BAZ2B: variants seen among roughly 807,000 people sequenced by gnomAD.
BAZ2B encodes the protein bromodomain adjacent to zinc finger domain 2B.
Under a neutral mutation model 246.0 loss-of-function variants are expected in BAZ2B, and 91 were observed. The ratio of observed to expected loss-of-function variants is 0.37; its 90% confidence interval spans 0.31 to 0.44. BAZ2B has a LOEUF of 0.44. BAZ2B is among the 20% of genes least tolerant of loss of function. The pLI is 1.00. For synonymous variants in BAZ2B, 855 were observed against 860.0 expected, an observed-to-expected ratio of 0.99 and a Z score of 0.10; for missense variants, 2,332 against 2,533.7, an observed-to-expected ratio of 0.92 and a Z score of 1.71.
chr2:159,623,279 A>C, the BAZ2B span, among the ~76,000 whole-genome samples: 1 of 151,938 alleles, frequency 6.6e-6, no homozygotes, highest in Non-Finnish European at 1.5e-5. Context: ...TTAACATAAG[A>C]AGATCACTTG....
At chr2:159,373,975 G>A (rs2061130210) in intron 26 of BAZ2B, among the ~76,000 whole-genome samples, 1 of 151,890 alleles carries the variant, frequency 6.6e-6, no homozygotes, top group African/African-American at 2.4e-5. Context: ...ACCATACACA[G>A]GCATCTCGTA....
At chr2:159,411,085 G>A (rs1329587924) in intron 14 of BAZ2B, among the ~76,000 whole-genome samples, 1 of 152,188 alleles carries the variant, frequency 6.6e-6, no homozygotes, top group Non-Finnish European at 1.5e-5. Context: ...GCAGTGGCAT[G>A]ATCATAGCTC....
intron 1 of BAZ2B, among the ~76,000 whole-genome samples, chr2:159,595,121 A>T (rs61657872): frequency 7.8e-6 from 1 of 127,878 alleles, no homozygotes; most frequent in African/African-American, 2.8e-5. Flanking sequence ...TTTTTTTTTT[A>T]AACGGAGTTT....
intron 2 of BAZ2B, among the ~76,000 whole-genome samples, chr2:159,491,413 T>C (rs1021910754): frequency 1.3e-5 from 2 of 152,092 alleles, no homozygotes; most frequent in Non-Finnish European, 2.9e-5. Flanking sequence ...AACTCTCTAA[T>C]TGATGAGTAT....
intron 2 of BAZ2B, among the ~76,000 whole-genome samples, chr2:159,551,819 T>C (rs1288331754): frequency 6.6e-6 from 1 of 152,186 alleles, no homozygotes; most frequent in Non-Finnish European, 1.5e-5. Flanking sequence ...GACAAGTAAC[T>C]TTACAGATAT....
chr2:159,480,415 G>A (rs1355753619), intron 2 of BAZ2B, among the ~76,000 whole-genome samples: 2 of 152,014 alleles, frequency 1.3e-5, no homozygotes, highest in Admixed American at 6.5e-5. Flanking sequence ...TGAAGTATAG[G>A]TATTTCTTAT....
chr2:159,654,096 T>C, the BAZ2B span, among the ~76,000 whole-genome samples: 15 of 152,294 alleles, frequency 9.8e-5, no homozygotes, highest in African/African-American at 3.4e-4. Flanking sequence ...ATATATTCTA[T>C]CAACAAGAGC....
At chr2:159,409,186 A>G (rs964713338) in intron 14 of BAZ2B, among the ~76,000 whole-genome samples, 4 of 152,160 alleles carry the variant, frequency 2.6e-5, no homozygotes, top group African/African-American at 4.8e-5. Flanking sequence ...GATATTTTGG[A>G]TATAACTCAT....
At chr2:159,623,102 AG>A in the BAZ2B span, among the ~76,000 whole-genome samples, 1 of 144,932 alleles carries the variant, frequency 6.9e-6, no homozygotes, top group Non-Finnish European at 1.5e-5. Flanking sequence ...GAGAGGGGAG[AG>A]GGAAGGGAAG....
intron 1 of BAZ2B, among the ~76,000 whole-genome samples, chr2:159,606,289 T>C (rs1254456666): frequency 6.9e-6 from 1 of 144,606 alleles, no homozygotes; most frequent in African/African-American, 2.4e-5. Flanking sequence ...AACCCCTCTT[T>C]TAAAATAAAG....
intron 4 of BAZ2B, among the ~76,000 whole-genome samples, chr2:159,452,664 T>A (rs7608520): frequency 0.03 from 4,584 of 152,316 alleles, 212 homozygotes; most frequent in African/African-American, 0.1. Context: ...CAAGATAATA[T>A]AACAAATTGA....
At chr2:159,645,746 G>T in the BAZ2B span, among the ~76,000 whole-genome samples, 3 of 152,106 alleles carry the variant, frequency 2.0e-5, no homozygotes, top group Admixed American at 2.0e-4. Flanking sequence ...TTTTAAAGCT[G>T]GGTGTCCGGG....
chr2:159,330,270 A>G (rs1266673715), intron 34 of BAZ2B, among the ~76,000 whole-genome samples: 2 of 152,216 alleles, frequency 1.3e-5, no homozygotes, highest in African/African-American at 2.4e-5. Context: ...CCATTTTACA[A>G]ATGATAACCT....
In BAZ2B at chr2:159,373,158, T is replaced by C. The variant is rs1006820601; in HGVS notation, c.4100A>G (p.Asp1367Gly). 1 of 1,613,830 alleles carries C rather than the reference T, an allele frequency of 6.2e-7. No homozygotes were observed. Among genetic ancestry groups the C allele is most frequent in the Non-Finnish European group, 8.5e-7 (1 of 1,179,900 alleles). The change falls in exon 27 of 37, where the codon GAT (aspartate) becomes GGT (glycine). Residue 1367 changes from aspartate to glycine, a missense_variant. Asp to Gly is a moderately conservative substitution (Grantham distance 94, BLOSUM62 -1). Coordinates refer to ENST00000392783, the MANE Select transcript of BAZ2B (RefSeq NM_013450.4). ...CACTGAACGCAATGAGTGAGACGCA[T>C]CAAAGAGCTTCCTTCTGTACTGACT... Reference protein sequence around the residue: ...QQSQYRRKLFDASHSLRSVMF... With the variant: ...QQSQYRRKLFGASHSLRSVMF...
chr2:159,492,233 C>G (rs1013297608), intron 2 of BAZ2B, among the ~76,000 whole-genome samples: 2 of 152,154 alleles, frequency 1.3e-5, no homozygotes, highest in African/African-American at 4.8e-5. Context: ...AATTGCATAT[C>G]AAATCCTTCC....
At chr2:159,625,277 C>T in the BAZ2B span, among the ~76,000 whole-genome samples, 1 of 152,128 alleles carries the variant, frequency 6.6e-6, no homozygotes, top group African/African-American at 2.4e-5. Flanking sequence ...AGGAGAACTT[C>T]CCCAACCTAG....
intron 12 of BAZ2B, 24 bp downstream of exon 12, chr2:159,428,287 C>T: frequency 6.4e-7 from 1 of 1,556,086 alleles, no homozygotes; most frequent in Non-Finnish European, 8.8e-7. Context: ...ACCAAATGTA[C>T]ATTATTTGGT....
At chr2:159,481,042 C>T (rs1457050038) in intron 2 of BAZ2B, among the ~76,000 whole-genome samples, 1 of 146,966 alleles carries the variant, frequency 6.8e-6, no homozygotes, top group Non-Finnish European at 1.5e-5. Context: ...TCAACTACTG[C>T]AAGTTCATCT....
intron 2 of BAZ2B, among the ~76,000 whole-genome samples, chr2:159,525,237 C>T (rs1048497902): frequency 1.3e-5 from 2 of 152,144 alleles, no homozygotes; most frequent in African/African-American, 2.4e-5. Flanking sequence ...GGAAGGACAA[C>T]ATAAGCTAAG....
Sources: allele counts gnomAD v4.1 joint callset (sites outside exome capture counted in the v4.1 genomes callset), GRCh38; gene constraint gnomAD v4.1.1; transcripts MANE v1.5; gene names NCBI Gene and HGNC (gene_info 2026-07-23, HGNC 2026-07-21).